CUX2: variants seen among roughly 807,000 people sequenced by gnomAD.
The protein encoded by CUX2 is homeobox protein cut-like 2.
CUX2 carries 40 observed loss-of-function variants against 144.8 expected under a neutral mutation model. The observed-to-expected ratio is 0.28, with a 90% CI of 0.21 to 0.36. CUX2 has a LOEUF of 0.36. Among genes scored for constraint, CUX2 ranks in the 10% least tolerant of loss-of-function variants. The pLI is 1.00. For synonymous variants in CUX2, 827 were observed against 875.6 expected, an observed-to-expected ratio of 0.94 and a Z score of 0.98; for missense variants, 1,615 against 1,994.0, an observed-to-expected ratio of 0.81 and a Z score of 3.62.
chr12:111,217,989 C>A (rs762466529), intron 3 of CUX2, 52 bp downstream of exon 3: 8 of 1,602,516 alleles, frequency 5.0e-6, no homozygotes, highest in Non-Finnish European at 6.8e-6. Context: ...ATGGCTCCCC[C>A]TCCTATCCCA....
chr12:111,096,340 C>T (rs1395508237), intron 1 of CUX2, among the ~76,000 whole-genome samples: 2 of 152,236 alleles, frequency 1.3e-5, no homozygotes, highest in Non-Finnish European at 2.9e-5. Flanking sequence ...TCCCCTACCC[C>T]TCACATCCTT....
chr12:111,100,198 TG>T, intron 1 of CUX2: 1 of 377,458 alleles, frequency 2.6e-6, no homozygotes. Context: ...TGTGTGTGTG[TG>T]TGTATGTGTG....
At chr12:111,172,005 G>A (rs565173919) in intron 1 of CUX2, among the ~76,000 whole-genome samples, 6 of 151,944 alleles carry the variant, frequency 3.9e-5, no homozygotes, top group South Asian at 2.1e-4. Context: ...CTGTGTGTGC[G>A]CATGTGTGTG....
intron 3 of CUX2, among the ~76,000 whole-genome samples, chr12:111,245,726 G>C (rs1295351448): frequency 1.3e-5 from 2 of 152,166 alleles, no homozygotes; most frequent in Non-Finnish European, 2.9e-5. Flanking sequence ...GGTGCAAGGG[G>C]ACAGGGTAGG....
chr12:111,301,564 C>T (rs1886296783), intron 9 of CUX2, among the ~76,000 whole-genome samples: 1 of 151,904 alleles, frequency 6.6e-6, no homozygotes, highest in African/African-American at 2.4e-5. Flanking sequence ...GTCACCCAGA[C>T]TGGAGTGCTG....
At chr12:111,038,202 A>C (rs1869553526) in intron 1 of CUX2, among the ~76,000 whole-genome samples, 1 of 152,250 alleles carries the variant, frequency 6.6e-6, no homozygotes, top group Non-Finnish European at 1.5e-5. Flanking sequence ...GAAGTGCATA[A>C]ATTTTACATA....
intron 1 of CUX2, among the ~76,000 whole-genome samples, chr12:111,209,340 G>A (rs527415121): frequency 1.3e-5 from 2 of 152,302 alleles, no homozygotes; most frequent in South Asian, 4.1e-4. Context: ...GCTGCGGTGA[G>A]CTGTGATCAT....
chr12:111,149,088 C>T (rs1358671682), intron 1 of CUX2, among the ~76,000 whole-genome samples: 2 of 152,126 alleles, frequency 1.3e-5, no homozygotes, highest in African/African-American at 4.8e-5. Flanking sequence ...ATCATTTCTC[C>T]AAAGTCACAC....
intron 16 of CUX2, among the ~76,000 whole-genome samples, chr12:111,314,333 A>G (rs1307777448): frequency 6.6e-6 from 1 of 152,132 alleles, no homozygotes; most frequent in African/African-American, 2.4e-5. Context: ...TCGGCTCCCA[A>G]AGTGCTGGGA....
chr12:111,054,278 CA>C (rs897113038), intron 1 of CUX2, among the ~76,000 whole-genome samples: 27 of 152,220 alleles, frequency 1.8e-4, no homozygotes, highest in African/African-American at 6.3e-4. Flanking sequence ...TCCCATTTTG[CA>C]AAACCTCTGC....
At chr12:111,129,897 C>T (rs995819377) in intron 1 of CUX2, among the ~76,000 whole-genome samples, 1 of 152,116 alleles carries the variant, frequency 6.6e-6, no homozygotes. Context: ...GCATTTGGGA[C>T]CCCACTCAGC....
chr12:111,122,659 G>C (rs1242363344), intron 1 of CUX2, among the ~76,000 whole-genome samples: 1 of 152,184 alleles, frequency 6.6e-6, no homozygotes, highest in Non-Finnish European at 1.5e-5. Flanking sequence ...CCTAGTCTGG[G>C]ATCTTCTGGA....
chr12:111,146,212 G>A (rs774786797), intron 1 of CUX2, among the ~76,000 whole-genome samples: 7 of 152,180 alleles, frequency 4.6e-5, no homozygotes, highest in Non-Finnish European at 8.8e-5. Context: ...GTCCACAGTT[G>A]ACATTAGGCT....
chr12:111,295,644 G>A lies in CUX2; in HGVS notation c.637+235G>A, dbSNP rs575231895. 1.6e-4 allele frequency among the ~76,000 whole-genome samples: 25 copies of A among 152,244 alleles called. No individual in the cohort carries two copies. Among genetic ancestry groups the A allele is most frequent in the South Asian group, 1.0e-3 (5 of 4,824 alleles). ...GAATTAATTCAGGTGATGGCCAGGC[G>A]TGGTGGCTCACATGTGTAATCCTGG... On this transcript the variant is annotated intron_variant, in intron 7 of 21. Coordinates refer to ENST00000261726, the MANE Select transcript of CUX2 (RefSeq NM_015267.4). This position sits in a 1 kb window ranked among gnomAD's most constrained non-coding sequence, Gnocchi z 5.0.
At chr12:111,294,855 G>A (rs537239886) in intron 6 of CUX2, among the ~76,000 whole-genome samples, 1 of 151,970 alleles carries the variant, frequency 6.6e-6, no homozygotes, top group South Asian at 2.1e-4. Context: ...CCGAGTTCGG[G>A]TCACTGCACT....
intron 1 of CUX2, among the ~76,000 whole-genome samples, chr12:111,192,329 C>T (rs1441515274): frequency 3.3e-5 from 5 of 151,990 alleles, no homozygotes; most frequent in Admixed American, 6.6e-5. Context: ...GGGGTTTCGC[C>T]ATGTTGGCCA....
rs147150881 is a variant in CUX2 at position 111,343,671 on chromosome 12, G to A, written c.3659+1618G>A. ...CCCACAAGTCATTTTACTTCTCCAC[G>A]TCTCACCCTTATTTTACAGATGAGG... On this transcript the variant is annotated intron_variant, in intron 21 of 21. Coordinates refer to ENST00000261726, the MANE Select transcript of CUX2 (RefSeq NM_015267.4). Among the ~76,000 whole-genome samples, 49 of 152,220 alleles carry A rather than the reference G, an allele frequency of 3.2e-4. No individual in the cohort carries two copies. The East Asian group carries it at 5.6e-3, about 17-fold the overall frequency.
intron 3 of CUX2, among the ~76,000 whole-genome samples, chr12:111,257,489 T>C (rs1219154902): frequency 2.4e-5 from 1 of 42,492 alleles, no homozygotes. Context: ...CCCCTCCCAC[T>C]TCTTCCTCCC....
At chr12:111,281,457 C>T (rs1885112026) in intron 4 of CUX2, among the ~76,000 whole-genome samples, 1 of 152,310 alleles carries the variant, frequency 6.6e-6, no homozygotes, top group Non-Finnish European at 1.5e-5. Flanking sequence ...TTGATGGAAA[C>T]ATTCTCTATG....
Sources: allele counts gnomAD v4.1 joint callset (sites outside exome capture counted in the v4.1 genomes callset), GRCh38; gene constraint gnomAD v4.1.1; non-coding constraint Gnocchi (gnomAD v3.1); transcripts MANE v1.5; gene names NCBI Gene and HGNC (gene_info 2026-07-23, HGNC 2026-07-21).